The following ABCA7 variants were observed in gnomAD, a reference collection of about 807,000 sequenced individuals.
ABCA7 encodes the protein ATP binding cassette subfamily A member 7.
Under a neutral mutation model 227.6 loss-of-function variants are expected in ABCA7, and 261 were observed. The ratio of observed to expected loss-of-function variants is 1.15; its 90% CI spans 1.04 to 1.27. The LOEUF (loss-of-function observed/expected upper bound fraction) is 1.27, where lower values mean the gene tolerates loss of function less well. Among genes scored for constraint, ABCA7 ranks in the 50% most tolerant of loss-of-function variants. The pLI, the probability that ABCA7 is intolerant of heterozygous loss-of-function variation, is 0.00. For missense variants in ABCA7, 3,331 were observed against 2,924.5 expected, an observed-to-expected ratio of 1.14 and a Z score of -3.21; for synonymous variants, 1,488 against 1,279.7, an observed-to-expected ratio of 1.16 and a Z score of -3.47.
intron 18 of ABCA7, among the ~76,000 whole-genome samples, chr19:1,050,054 C>A (rs574102454): frequency 6.7e-6 from 1 of 148,850 alleles, no homozygotes; most frequent in East Asian, 2.0e-4. Context: ...CCGACCAGTC[C>A]CTCCCTGTGA....
intron 12 of ABCA7, among the ~76,000 whole-genome samples, chr19:1,045,985 C>T (rs1245100411): frequency 1.3e-5 from 2 of 152,126 alleles, no homozygotes; most frequent in Admixed American, 6.5e-5. Context: ...CCAGCCTGGG[C>T]GATAGAGCGA....
rs761741121 is a variant in ABCA7 at position 1,058,729 on chromosome 19, G to A, written c.5261G>A (p.Arg1754Gln). Residue 1754 changes from arginine to glutamine, a missense_variant, in exon 38 of 47, where the codon CGA becomes CAA. Arg to Gln is a conservative substitution (Grantham distance 43, BLOSUM62 1). Transcript: ENST00000263094. ...FLLFTLLLQH[R>Q]SQLLPQPRVR... The stretch of plus-strand genomic sequence containing the variant: ...CTCTTCACACTACTGCTGCAGCACC[G>A]AAGCCAACTCCTGCCACAGTTAGTG... The A allele has an allele frequency of 2.0e-5, 33 of 1,613,676 alleles. No homozygotes were observed. Among genetic ancestry groups the A allele is most frequent in the African/African-American group, 8.0e-5 (6 of 74,898 alleles).
At chr19:1,050,005 C>CCCCCACCACTTCCTCCCTGTGAGCT (rs1555689326) in intron 18 of ABCA7, among the ~76,000 whole-genome samples, 1 of 137,626 alleles carries the variant, frequency 7.3e-6, no homozygotes, top group Non-Finnish European at 1.5e-5. Context: ...CCCTGTGAGC[C>CCCCCACCACTTCCTCCCTGTGAGCT]CCCCACCACT....
In ABCA7 at chr19:1,058,213, G is replaced by T. The variant is rs144259338; in HGVS notation, c.5093G>T (p.Arg1698Leu). The T allele has an allele frequency of 1.9e-5, 30 of 1,613,294 alleles. No individual in the cohort carries two copies. In the African/African-American group the frequency reaches 3.3e-4, roughly 18 times the overall value. ...ATCTTCCCCCACTTCTGCTTGGGCC[G>T]GGGGCTCATTGACATGGTGCGGAAC... ...FLIFPHFCLG[R>L]GLIDMVRNQA... The change falls in exon 37 of 47, where the codon CGG (arginine) becomes CTG (leucine). Residue 1698 changes from arginine to leucine, a missense_variant. Coordinates refer to ENST00000263094, the MANE Select transcript of ABCA7 (RefSeq NM_019112.4).
Position 1,059,028 on chromosome 19 carries a change from C to T in ABCA7, c.5406C>T (p.Tyr1802=). 6.2e-7 allele frequency: 1 copy of T among 1,613,912 alleles called. No homozygotes were observed. The highest frequency in any genetic ancestry group is 8.5e-7 in the Non-Finnish European group (1 of 1,179,982). ...AAAGACCTGCACTCTCCCAGGTATA[C>T]CGTGGGCAGAGGATGCCAGCTGTTG... The part of the protein sequence containing the change: ...VLVLRNLTKV[Y]RGQRMPAVDR... The change falls in exon 40 of 47, where the codon TAC becomes TAT. Residue 1802 remains tyrosine (Y), a synonymous_variant. Coordinates refer to ENST00000263094, the MANE Select transcript of ABCA7 (RefSeq NM_019112.4).
At chr19:1,050,849 T>A in intron 18 of ABCA7, 72 bp from the exon 19 acceptor site, 1 of 1,231,546 alleles carries the variant, frequency 8.1e-7, no homozygotes. Flanking sequence ...AAAACAGAAA[T>A]TAAAAATAGA....
chr19:1,047,710 G>T, intron 16 of ABCA7, 56 bp downstream of exon 16: 1 of 1,502,068 alleles, frequency 6.7e-7, no homozygotes, highest in Non-Finnish European at 8.9e-7. Context: ...GCGGGAGGCT[G>T]AGCTAGGGGT....
chr19:1,064,049 G>A (rs1257699714), intron 44 of ABCA7, 112 bp from the exon 45 acceptor site: 11 of 1,347,934 alleles, frequency 8.2e-6, no homozygotes, highest in Admixed American at 5.0e-5. Context: ...CTGGGGAAGA[G>A]TGGGGAGATG....
chr19:1,054,402 C>T lies in ABCA7; in HGVS notation c.3726+61C>T. The T allele has an allele frequency of 6.4e-7, 1 of 1,556,492 alleles. No individual in the cohort carries two copies. Among genetic ancestry groups the T allele is most frequent in the East Asian group, 2.3e-5 (1 of 44,240 alleles). Reference sequence around the variant, plus strand: ...TCCCTGAGTTCCCTACCCTGGCCGTCCACTCAGTGGCCTAATCCAAACCCT... The same window carrying T: ...TCCCTGAGTTCCCTACCCTGGCCGTTCACTCAGTGGCCTAATCCAAACCCT... On this transcript the variant is annotated intron_variant, in intron 27 of 46. Transcript: ENST00000263094. The surrounding 1 kb of genome is among the most constrained non-coding windows in gnomAD (Gnocchi z 4.8).
At chr19:1,050,846 A>C (rs1028685761) in intron 18 of ABCA7, 75 bp from the exon 19 acceptor site, 2 of 1,203,560 alleles carry the variant, frequency 1.7e-6, no homozygotes, top group Non-Finnish European at 2.2e-6. Flanking sequence ...TTAAAAACAG[A>C]AATTAAAAAT....
chr19:1,048,483 T>C (rs1486037620), intron 16 of ABCA7, among the ~76,000 whole-genome samples: 88 of 48,552 alleles, frequency 1.8e-3, no homozygotes, highest in Middle Eastern at 0.037. Context: ...GCAACAAGAG[T>C]GAAACTCAGT....
At chr19:1,060,207 A>ATAT in intron 40 of ABCA7, among the ~76,000 whole-genome samples, 20,527 of 96,786 alleles carry the variant, frequency 0.21, 1,775 homozygotes, top group Admixed American at 0.3. Context: ...ATATATATAT[A>ATAT]TTTTTTTTTC....
chr19:1,058,523 G>A, intron 37 of ABCA7, 95 bp from the exon 38 acceptor site: 2 of 1,563,850 alleles, frequency 1.3e-6, no homozygotes, highest in South Asian at 1.2e-5. Flanking sequence ...TCCAATTTGT[G>A]TTCCTTTCCC....
At chr19:1,048,740 C>T (rs1195490273) in intron 16 of ABCA7, among the ~76,000 whole-genome samples, 155 bp from the exon 17 acceptor site, 2 of 145,166 alleles carry the variant, frequency 1.4e-5, no homozygotes, top group Admixed American at 7.0e-5. Flanking sequence ...ACTGGGGAGG[C>T]GGAGCTTGCA....
rs964427717 is a variant in ABCA7, at chr19:1,044,504, C to T, written c.1048-73C>T. On this transcript the variant is annotated intron_variant, in intron 10 of 46. Transcript: ENST00000263094. ...CTCAGGTGATCCACCCGCCTCGCCT[C>T]CCAAAGTGCTGGGATTACAGGCATG... 34 of 1,536,694 alleles carry T rather than the reference C, an allele frequency of 2.2e-5. No homozygotes were observed. The African/African-American group carries it at 4.4e-4, about 20-fold the overall frequency.
chr19:1,056,297 T>C lies in ABCA7; in HGVS notation c.4417-33T>C. ...CTGTCACAGCAAGGTCCAACCCCATTGCTCTGACCCTATGACCTTGACCCC... is the reference window on the plus strand; with the variant it reads ...CTGTCACAGCAAGGTCCAACCCCATCGCTCTGACCCTATGACCTTGACCCC... On this transcript the variant is annotated intron_variant, in intron 32 of 46. Transcript: ENST00000263094. This position sits in a 1 kb window ranked among gnomAD's most constrained non-coding sequence, Gnocchi z 4.3. 6.2e-7 allele frequency: 1 copy of C among 1,606,006 alleles called. No individual in the cohort carries two copies.
At position 1,054,246 on chromosome 19, in the gene ABCA7, G is replaced by T; in HGVS notation, c.3631G>T (p.Val1211Leu). Residue 1211 changes from valine (V) to leucine (L), a missense_variant, in exon 27 of 47, where the codon GTA becomes TTA. Physicochemically the swap from Val to Leu is conservative, Grantham distance 32. Coordinates refer to ENST00000263094, the MANE Select transcript of ABCA7 (RefSeq NM_019112.4). The surrounding 1 kb of genome is among the most constrained non-coding windows in gnomAD (Gnocchi z 4.8). ...CTCTGGGCCAGACGCCGTGGGCCGG[G>T]TACAGGGCTGGGCACTGACCCGCCA... is the stretch of plus-strand genomic sequence containing the variant. Reference protein sequence around the residue: ...QGSGPDAVGRVQGWALTRQQL... With the variant: ...QGSGPDAVGRLQGWALTRQQL... 6.2e-7 allele frequency: 1 copy of T among 1,609,322 alleles called. No individual in the cohort carries two copies. The highest frequency in any genetic ancestry group is 8.5e-7 in the Non-Finnish European group (1 of 1,178,768).
intron 18 of ABCA7, among the ~76,000 whole-genome samples, chr19:1,049,998 T>TGTGAGCCGCCCAAACCACTCCCTCCCC (rs2041373277): frequency 2.4e-5 from 2 of 83,508 alleles, no homozygotes; most frequent in Non-Finnish European, 2.3e-5. Flanking sequence ...ACTCCCTCCC[T>TGTGAGCCGCCCAAACCACTCCCTCCCC]GTGAGCCCCC....
Position 1,047,330 on chromosome 19 carries a change from G to T in ABCA7, c.2019G>T (p.Leu673=). Residue 673 remains leucine, a synonymous_variant, in exon 15 of 47, where the codon CTG becomes CTT. Coordinates refer to ENST00000263094, the MANE Select transcript of ABCA7 (RefSeq NM_019112.4). ...TCTCCCTCTACCTGCCCTACGTGCT[G>T]TGTGTGGCTTGGCGGGACCGGCTGC... is the stretch of plus-strand genomic sequence containing the variant. ...AYFSLYLPYV[L]CVAWRDRLPA... is the part of the protein sequence containing the mutation. The T allele has an allele frequency of 6.3e-7, 1 of 1,597,466 alleles. No homozygotes were observed. The highest frequency in any genetic ancestry group is 8.5e-7 in the Non-Finnish European group (1 of 1,175,476).
Sources: gnomAD v4.1 joint callset for allele counts (sites outside exome capture counted in the v4.1 genomes callset) on GRCh38, gnomAD v4.1.1 for gene constraint, Gnocchi (gnomAD v3.1) non-coding constraint, MANE v1.5 for transcripts, NCBI Gene and HGNC (gene_info 2026-07-23, HGNC 2026-07-21) for gene names.